Variants in CNTN6 observed in about 807,000 individuals in gnomAD.
CNTN6 encodes contactin 6, also known as contactin-6.
In CNTN6, 137 loss-of-function variants were observed where a neutral mutation model predicts 122.8. The observed-to-expected ratio is 1.12, with a 90% CI of 0.97 to 1.29. The LOEUF is 1.29. Among genes scored for constraint, CNTN6 ranks in the 50% most tolerant of loss-of-function variants. CNTN6 has a pLI of 0.00. For synonymous variants in CNTN6, 570 were observed against 426.0 expected, an observed-to-expected ratio of 1.34 and a Z score of -4.16; for missense variants, 1,634 against 1,223.4, an observed-to-expected ratio of 1.34 and a Z score of -5.01.
At position 1,325,938 on chromosome 3, in the gene CNTN6, G is replaced by T; in HGVS notation, c.1070G>T (p.Arg357Leu). 1 of 1,610,622 alleles carries T rather than the reference G, an allele frequency of 6.2e-7. No homozygotes were observed. Among genetic ancestry groups the T allele is most frequent in the East Asian group, 2.2e-5 (1 of 44,696 alleles). The change falls in exon 9 of 23, where the codon CGA becomes CTA. Residue 357 changes from arginine to leucine, a missense_variant. Arg to Leu is a moderately radical substitution (Grantham distance 102). Transcript: ENST00000446702. Reference sequence around the variant, plus strand: ...TATACATGGTTAAAAAATGGTGAACGACTCAACCCAGAGGTAAGCAACTAT... The same window carrying T: ...TATACATGGTTAAAAAATGGTGAACTACTCAACCCAGAGGTAAGCAACTAT... ...PWYTWLKNGE[R>L]LNPEERIQIE...
Position 1,373,654 on chromosome 3 carries a change from A to C in CNTN6, c.1837A>C (p.Thr613Pro), listed in dbSNP as rs779005728. 3.1e-6 allele frequency: 5 copies of C among 1,612,942 alleles called. No homozygotes were observed. The African/African-American group carries it at 4.0e-5, about 13-fold the overall frequency. ...GCAAGTGGAAGACATTTCCAGTACT[A>C]CTTCTCAACTAAGTTGGAGAGCAGG... Reference protein sequence around the residue: ...DVQVEDISSTTSQLSWRAGPD... With the variant: ...DVQVEDISSTPSQLSWRAGPD... Residue 613 changes from threonine (T) to proline (P), a missense_variant, in exon 15 of 23, where the codon ACT (threonine) becomes CCT (proline). Thr to Pro is a conservative substitution (Grantham distance 38). Coordinates refer to ENST00000446702, the MANE Select transcript of CNTN6 (RefSeq NM_001289080.2).
At chr3:1,143,886 A>C (rs2092668094) in intron 1 of CNTN6, among the ~76,000 whole-genome samples, 1 of 152,226 alleles carries the variant, frequency 6.6e-6, no homozygotes, top group African/African-American at 2.4e-5. Flanking sequence ...AGAAACTTGA[A>C]GGTGACTTCT....
At chr3:1,153,392 TAA>T (rs2092892049) in intron 2 of CNTN6, among the ~76,000 whole-genome samples, 1 of 152,182 alleles carries the variant, frequency 6.6e-6, no homozygotes, top group Non-Finnish European at 1.5e-5. Flanking sequence ...AAAATTATAA[TAA>T]GTCTTTGCAG....
At chr3:1,265,467 G>A (rs987511493) in intron 4 of CNTN6, among the ~76,000 whole-genome samples, 8 of 152,106 alleles carry the variant, frequency 5.3e-5, no homozygotes, top group African/African-American at 1.9e-4. Flanking sequence ...TCTTACTCAA[G>A]AGTAGAAATG....
chr3:1,400,274 G>A (rs970614413), intron 20 of CNTN6, among the ~76,000 whole-genome samples: 3 of 152,036 alleles, frequency 2.0e-5, no homozygotes, highest in Non-Finnish European at 4.4e-5. Flanking sequence ...AAATAGTCAT[G>A]TGGACTCAGA....
At chr3:1,281,464 CT>C (rs4065407) in intron 5 of CNTN6, among the ~76,000 whole-genome samples, 234 of 136,952 alleles carry the variant, frequency 1.7e-3, no homozygotes, top group African/African-American at 4.0e-3. Context: ...TAAAAGTTGA[CT>C]TTTTTTTTTT....
At chr3:1,162,967 G>A (rs188337546) in intron 2 of CNTN6, among the ~76,000 whole-genome samples, 1 of 152,206 alleles carries the variant, frequency 6.6e-6, no homozygotes, top group Non-Finnish European at 1.5e-5. Flanking sequence ...AAAATCATCT[G>A]TGCCTAGGGA....
intron 7 of CNTN6, among the ~76,000 whole-genome samples, chr3:1,302,174 A>G (rs191088123): frequency 3.7e-4 from 57 of 152,286 alleles, no homozygotes; most frequent in African/African-American, 1.3e-3. Context: ...TATAAAGTCT[A>G]TTGTTTATTA....
At chr3:1,362,550 T>C (rs187666546) in intron 12 of CNTN6, among the ~76,000 whole-genome samples, 1 of 152,018 alleles carries the variant, frequency 6.6e-6, no homozygotes, top group African/African-American at 2.4e-5. Context: ...AGGATAGCTA[T>C]AACAGAAAGA....
At chr3:1,231,240 G>GA (rs1489260022) in intron 4 of CNTN6, among the ~76,000 whole-genome samples, 5 of 152,172 alleles carry the variant, frequency 3.3e-5, no homozygotes, top group Non-Finnish European at 5.9e-5. Flanking sequence ...CTTACTGACA[G>GA]AAAAAAGCGG....
At chr3:1,163,363 A>G (rs539227206) in intron 2 of CNTN6, among the ~76,000 whole-genome samples, 2 of 152,324 alleles carry the variant, frequency 1.3e-5, no homozygotes, top group South Asian at 4.1e-4. Flanking sequence ...CTGCAGTGTT[A>G]TATTTGAATG....
chr3:1,296,024 G>A (rs562965531), intron 6 of CNTN6, among the ~76,000 whole-genome samples: 1 of 152,228 alleles, frequency 6.6e-6, no homozygotes, highest in African/African-American at 2.4e-5. Context: ...TCTCCTTTCT[G>A]GCATTGAAAC....
intron 2 of CNTN6, among the ~76,000 whole-genome samples, chr3:1,172,932 A>G (rs1447683251): frequency 6.6e-6 from 1 of 152,142 alleles, no homozygotes; most frequent in African/African-American, 2.4e-5. Context: ...ATCTCTGCCC[A>G]TTTTCACATA....
At chr3:1,325,298 A>G (rs1224671758) in intron 8 of CNTN6, among the ~76,000 whole-genome samples, 1 of 151,816 alleles carries the variant, frequency 6.6e-6, no homozygotes, top group African/African-American at 2.4e-5. Context: ...ATCTAGGAAA[A>G]AAGAATACTG....
chr3:1,382,816 A>G, intron 17 of CNTN6, 126 bp from the exon 18 acceptor site: 2 of 640,236 alleles, frequency 3.1e-6, no homozygotes. Flanking sequence ...TTTTTAATAC[A>G]TCATTAAACA....
chr3:1,139,052 A>G (rs2092551153), intron 1 of CNTN6, among the ~76,000 whole-genome samples: 1 of 152,070 alleles, frequency 6.6e-6, no homozygotes, highest in Non-Finnish European at 1.5e-5. Context: ...TGGGAAAACT[A>G]TGGCCATGAA....
chr3:1,330,319 A>G (rs969878590), intron 11 of CNTN6, among the ~76,000 whole-genome samples: 16 of 151,900 alleles, frequency 1.1e-4, no homozygotes, highest in African/African-American at 3.9e-4. Context: ...GTTTTTAAAT[A>G]GTCACACAGG....
intron 4 of CNTN6, among the ~76,000 whole-genome samples, chr3:1,265,145 C>G (rs1042566101): frequency 2.7e-5 from 4 of 146,420 alleles, no homozygotes; most frequent in African/African-American, 1.0e-4. Context: ...ACTTAACTTG[C>G]TTCCATGTCA....
At chr3:1,288,158 T>C (rs1694676396) in intron 5 of CNTN6, among the ~76,000 whole-genome samples, 1 of 152,152 alleles carries the variant, frequency 6.6e-6, no homozygotes, top group Non-Finnish European at 1.5e-5. Context: ...TATTTGGAAC[T>C]TAGCAATATT....
Sources: allele counts gnomAD v4.1 joint callset (sites outside exome capture counted in the v4.1 genomes callset), GRCh38; gene constraint gnomAD v4.1.1; transcripts MANE v1.5; gene names NCBI Gene and HGNC (gene_info 2026-07-23, HGNC 2026-07-21).